The following MAPRE2 variants were observed in gnomAD, a reference collection of about 807,000 sequenced individuals.
MAPRE2 encodes the protein microtubule-associated protein RP/EB family member 2.
MAPRE2 carries 13 observed loss-of-function variants against 43.2 expected under a neutral mutation model. The observed-to-expected ratio is 0.30, with a 90% confidence interval of 0.20 to 0.48. The LOEUF (loss-of-function observed/expected upper bound fraction) is 0.48. MAPRE2 is among the 20% of genes least tolerant of loss of function. MAPRE2 has a pLI of 0.99. For synonymous variants in MAPRE2, 135 were observed against 148.8 expected (o/e 0.91, Z 0.68); for missense variants, 161 against 400.2 (o/e 0.40, Z 5.10).
upstream of MAPRE2, chr18:35,041,238 CCTGGAGCTG>C: frequency 9.0e-7 from 1 of 1,111,326 alleles, no homozygotes. Context: ...CCGGTGCCTG[CCTGGAGCTG>C]CTGGCGTGGT....
chr18:35,029,506 C>T (rs945020476), intron 2 of MAPRE2, among the ~76,000 whole-genome samples: 1 of 152,168 alleles, frequency 6.6e-6, no homozygotes, highest in Non-Finnish European at 1.5e-5. Context: ...GACCATTGCC[C>T]CACTTTCTCC....
In MAPRE2 at chr18:34,987,278, T is replaced by A. The variant is rs1011828260; in HGVS notation, c.-70+10199T>A. Among the ~76,000 whole-genome samples the A allele has an allele frequency of 3.3e-5, 5 of 152,216 alleles. No individual in the cohort carries two copies. In the East Asian group the frequency reaches 7.7e-4, roughly 23 times the overall value. Reference sequence around the variant, plus strand: ...CAGTATGTTCCTAATCAAAGTGAGATTCCAAGTGATTGCAATGATGCCTTG... The same window carrying A: ...CAGTATGTTCCTAATCAAAGTGAGAATCCAAGTGATTGCAATGATGCCTTG... On this transcript the variant is annotated intron_variant, in intron 1 of 7. Transcript: ENST00000413393.
At chr18:35,117,736 A>C (rs959038235) in intron 4 of MAPRE2, among the ~76,000 whole-genome samples, 4 of 152,182 alleles carry the variant, frequency 2.6e-5, no homozygotes, top group Non-Finnish European at 4.4e-5. Flanking sequence ...TGTTGCTCTG[A>C]GAATGATCAA....
At chr18:34,982,995 T>G (rs1035451565) in intron 1 of MAPRE2, among the ~76,000 whole-genome samples, 67 of 152,242 alleles carry the variant, frequency 4.4e-4, no homozygotes, top group Non-Finnish European at 1.5e-4. Context: ...ATCTTGTCTA[T>G]GGCTGTGGCA....
chr18:35,121,204 C>T (rs1022392976), intron 4 of MAPRE2, among the ~76,000 whole-genome samples: 5 of 152,188 alleles, frequency 3.3e-5, no homozygotes, highest in Admixed American at 6.5e-5. Flanking sequence ...ATATGCCCAA[C>T]TTGTTGCAGC....
At chr18:35,121,890 C>A (rs1909692374) in intron 4 of MAPRE2, among the ~76,000 whole-genome samples, 2 of 152,154 alleles carry the variant, frequency 1.3e-5, no homozygotes, top group African/African-American at 4.8e-5. Context: ...TGGTAGCTCA[C>A]ATAAAAGTAT....
rs539731045 is a variant in MAPRE2, at chr18:35,104,653, A to T, written c.610+2494A>T. 1.4e-4 allele frequency among the ~76,000 whole-genome samples: 21 copies of T among 152,298 alleles called. No individual in the cohort carries two copies. In the South Asian group the frequency reaches 3.9e-3, roughly 29 times the overall value. ...TATTTATTTTCTTGGAGCCAAAGCGATAGGAGAGGCTGGGTAAAAATTAAG... is the reference window on the plus strand; with the variant it reads ...TATTTATTTTCTTGGAGCCAAAGCGTTAGGAGAGGCTGGGTAAAAATTAAG... On this transcript the variant is annotated intron_variant, in intron 4 of 6. Coordinates refer to ENST00000300249, the MANE Select transcript of MAPRE2 (RefSeq NM_014268.4).
At chr18:35,123,895 C>A (rs1909793789) in intron 4 of MAPRE2, among the ~76,000 whole-genome samples, 1 of 152,152 alleles carries the variant, frequency 6.6e-6, no homozygotes, top group Admixed American at 6.5e-5. Flanking sequence ...GGTTTATGTT[C>A]ATGGGAGAAG....
At chr18:35,015,393 C>T (rs956455710) in intron 2 of MAPRE2, among the ~76,000 whole-genome samples, 10 of 152,088 alleles carry the variant, frequency 6.6e-5, no homozygotes, top group African/African-American at 2.4e-4. Flanking sequence ...ACTCTGCTAG[C>T]AACTTATCCT....
chr18:35,034,388 C>G (rs556604735), intron 2 of MAPRE2, among the ~76,000 whole-genome samples: 1 of 151,748 alleles, frequency 6.6e-6, no homozygotes, highest in Non-Finnish European at 1.5e-5. Flanking sequence ...AAGACTTAAA[C>G]GTTAGAAACC....
chr18:35,079,000 C>T (rs888427968), intron 2 of MAPRE2, among the ~76,000 whole-genome samples: 3 of 152,184 alleles, frequency 2.0e-5, no homozygotes, highest in African/African-American at 7.2e-5. Context: ...TTCTTTCCCT[C>T]CAAGCAAGAT....
intron 1 of MAPRE2, among the ~76,000 whole-genome samples, chr18:34,977,306 C>T (rs1418731326): frequency 1.3e-5 from 2 of 152,192 alleles, no homozygotes; most frequent in Non-Finnish European, 2.9e-5. Flanking sequence ...CTCCCGCGGG[C>T]CACATCTCTG....
chr18:35,097,307 A>G, intron 2 of MAPRE2, 139 bp from the exon 3 acceptor site: 1 of 713,340 alleles, frequency 1.4e-6, no homozygotes. Flanking sequence ...AAGGAGATAT[A>G]AGCGCATTGG....
chr18:35,027,554 A>G (rs527317463), intron 2 of MAPRE2, among the ~76,000 whole-genome samples: 3 of 152,284 alleles, frequency 2.0e-5, no homozygotes, highest in African/African-American at 4.8e-5. Flanking sequence ...CCATAGCTAC[A>G]TGAGAGACCA....
chr18:34,978,507 G>T (rs908558191), intron 1 of MAPRE2: 2 of 1,551,550 alleles, frequency 1.3e-6, no homozygotes, highest in East Asian at 4.9e-5. Flanking sequence ...TGCTGAATAG[G>T]ACACTGTGGA....
intron 2 of MAPRE2, among the ~76,000 whole-genome samples, chr18:35,032,788 A>ATTTG (rs1031250464): frequency 9.9e-5 from 15 of 152,068 alleles, no homozygotes; most frequent in African/African-American, 2.2e-4. Flanking sequence ...CACTTTAAAC[A>ATTTG]TTTGTTTGTT....
chr18:35,028,492 T>C (rs2097046378), intron 2 of MAPRE2, among the ~76,000 whole-genome samples: 1 of 152,156 alleles, frequency 6.6e-6, no homozygotes, highest in Admixed American at 6.5e-5. Flanking sequence ...GTACTAACTT[T>C]TATAAGGAAG....
Position 35,005,095 on chromosome 18 carries a change from C to G in MAPRE2, c.-69-397C>G, listed in dbSNP as rs1375417023. Among the ~76,000 whole-genome samples, 4 of 152,196 alleles carry G rather than the reference C, an allele frequency of 2.6e-5. No homozygotes were observed. In the South Asian group the frequency reaches 6.2e-4, roughly 24 times the overall value. ...AAACCTAAGTTTGGGGAATTCAGTA[C>G]TTTAATTGATGTTGGTATTTGATAC... is the stretch of plus-strand genomic sequence containing the variant. On this transcript the variant is annotated intron_variant, in intron 1 of 7. Coordinates refer to the MAPRE2 transcript ENST00000413393.
chr18:35,075,145 G>T (rs1357425666), intron 2 of MAPRE2, among the ~76,000 whole-genome samples: 1 of 152,126 alleles, frequency 6.6e-6, no homozygotes, highest in Non-Finnish European at 1.5e-5. Flanking sequence ...TGCAATTCTG[G>T]TTACGTGATG....
Sources: allele counts gnomAD v4.1 joint callset (sites outside exome capture counted in the v4.1 genomes callset), GRCh38; gene constraint gnomAD v4.1.1; transcripts MANE v1.5; gene names NCBI Gene and HGNC (gene_info 2026-07-23, HGNC 2026-07-21).